The following SLC10A7 variants were observed in gnomAD, a reference collection of about 807,000 sequenced individuals.
SLC10A7 encodes solute carrier family 10 member 7, also known as sodium/bile acid cotransporter 7.
Under a neutral mutation model 43.2 loss-of-function variants are expected in SLC10A7, and 29 were observed. That is an observed-to-expected ratio of 0.67 (90% CI 0.50 to 0.92). The LOEUF is 0.92. SLC10A7 is among the 40% of genes least tolerant of loss of function. The probability of loss-of-function intolerance (pLI) is 0.00; values close to 1 mark genes in which losing one functional copy is unlikely to be tolerated. For missense variants in SLC10A7, 295 were observed against 403.2 expected, an observed-to-expected ratio of 0.73 and a Z score of 2.30; for synonymous variants, 152 against 144.8, an observed-to-expected ratio of 1.05 and a Z score of -0.35.
chr4:146,308,247 C>A (rs1473895165), intron 6 of SLC10A7, among the ~76,000 whole-genome samples: 1 of 152,094 alleles, frequency 6.6e-6, no homozygotes, highest in South Asian at 2.1e-4. Flanking sequence ...AGGATGGCTC[C>A]CTTAGAAGTG....
intron 5 of SLC10A7, among the ~76,000 whole-genome samples, chr4:146,397,758 C>T (rs765841342): frequency 1.3e-5 from 2 of 152,132 alleles, no homozygotes; most frequent in Non-Finnish European, 2.9e-5. Context: ...ACAGGATGCC[C>T]AAGTAGTCCT....
chr4:146,517,015 A>G lies in SLC10A7; in HGVS notation c.183+23T>C, dbSNP rs186714078. 4,683 of 1,528,918 alleles carry G rather than the reference A, an allele frequency of 3.1e-3. 13 individuals are homozygous for G. The highest frequency in any genetic ancestry group is 3.7e-3 in the Non-Finnish European group (4,195 of 1,128,560). The allele number at this position is 1,528,918 out of a possible 1,614,324, so 94.7% of individuals were successfully genotyped here. A position where few individuals can be genotyped will look rare whatever the true frequency, so the allele number is the denominator to read the frequency against. ...AATTAAATTTTTCTCCCTGCTTTTC[A>G]TGTGTCCCATAGATGACAGTACCTC... On this transcript the variant is annotated intron_variant, in intron 2 of 11. Coordinates refer to ENST00000335472, the MANE Select transcript of SLC10A7 (RefSeq NM_001029998.6).
intron 5 of SLC10A7, among the ~76,000 whole-genome samples, chr4:146,337,383 A>G (rs923440854): frequency 5.3e-5 from 8 of 152,018 alleles, no homozygotes; most frequent in Admixed American, 4.6e-4. Context: ...CTGAGAACAC[A>G]TGGAGCAGCC....
intron 5 of SLC10A7, among the ~76,000 whole-genome samples, chr4:146,440,788 A>G (rs13110748): frequency 0.81 from 123,092 of 152,088 alleles, 50,370 homozygotes; most frequent in South Asian, 0.91. Context: ...AGAAAAAGCA[A>G]GGAAAGGAAG....
chr4:146,491,316 T>C (rs954796061), intron 4 of SLC10A7, among the ~76,000 whole-genome samples: 2 of 152,174 alleles, frequency 1.3e-5, no homozygotes, highest in African/African-American at 4.8e-5. Context: ...AAGTAATAGG[T>C]GGCCAGAAAT....
intron 5 of SLC10A7, among the ~76,000 whole-genome samples, chr4:146,360,904 G>A (rs896316319): frequency 8.6e-5 from 13 of 151,994 alleles, no homozygotes; most frequent in African/African-American, 3.1e-4. Context: ...GATCTGATTA[G>A]GTCACCCCCC....
chr4:146,332,053 G>A (rs1009089215), intron 5 of SLC10A7, among the ~76,000 whole-genome samples: 14 of 152,132 alleles, frequency 9.2e-5, no homozygotes. Flanking sequence ...CTAGGGAAGG[G>A]TAGTTAGAAA....
intron 4 of SLC10A7, among the ~76,000 whole-genome samples, chr4:146,462,295 C>T (rs1732615898): frequency 6.6e-6 from 1 of 151,846 alleles, no homozygotes; most frequent in South Asian, 2.1e-4. Flanking sequence ...TTAAAACAAG[C>T]TTCAGAGTGC....
At chr4:146,489,654 G>A (rs192325398) in intron 4 of SLC10A7, among the ~76,000 whole-genome samples, 16 of 152,254 alleles carry the variant, frequency 1.1e-4, no homozygotes, top group African/African-American at 3.6e-4. Context: ...TTCTAGAATT[G>A]TGCATCAGAA....
At chr4:146,327,770 C>T (rs556518797) in intron 5 of SLC10A7, among the ~76,000 whole-genome samples, 11 of 152,336 alleles carry the variant, frequency 7.2e-5, no homozygotes, top group South Asian at 2.1e-4. Context: ...ACTACCTGTG[C>T]GCATTGTCCA....
At chr4:146,498,739 A>G (rs1736140029) in intron 4 of SLC10A7, among the ~76,000 whole-genome samples, 1 of 152,244 alleles carries the variant, frequency 6.6e-6, no homozygotes, top group Non-Finnish European at 1.5e-5. Context: ...CTATGCACAT[A>G]CATTGAGTTC....
intron 5 of SLC10A7, among the ~76,000 whole-genome samples, chr4:146,411,348 G>A (rs1009703918): frequency 3.3e-5 from 5 of 152,040 alleles, no homozygotes; most frequent in African/African-American, 1.2e-4. Flanking sequence ...ATAATTCCAG[G>A]AATTGTGACA....
chr4:146,443,955 G>T (rs1444442378), intron 4 of SLC10A7, among the ~76,000 whole-genome samples: 1 of 152,198 alleles, frequency 6.6e-6, no homozygotes, highest in Non-Finnish European at 1.5e-5. Context: ...ATAGGCACAG[G>T]CACAGACCAG....
At chr4:146,485,889 G>A (rs1734869872) in intron 4 of SLC10A7, among the ~76,000 whole-genome samples, 1 of 151,986 alleles carries the variant, frequency 6.6e-6, no homozygotes, top group Non-Finnish European at 1.5e-5. Flanking sequence ...AAGAAAAGGA[G>A]GGAAAAGGCA....
At chr4:146,376,813 G>T (rs1737234726) in intron 5 of SLC10A7, among the ~76,000 whole-genome samples, 1 of 152,202 alleles carries the variant, frequency 6.6e-6, no homozygotes, top group South Asian at 2.1e-4. Flanking sequence ...TTTATAACCT[G>T]ATGCGTCCAC....
chr4:146,431,911 T>C (rs1039904322), intron 5 of SLC10A7, among the ~76,000 whole-genome samples: 2 of 152,140 alleles, frequency 1.3e-5, no homozygotes, highest in Non-Finnish European at 2.9e-5. Flanking sequence ...ATGACTGGTG[T>C]CCAAAACATA....
chr4:146,292,902 A>T, intron 9 of SLC10A7, 27 bp downstream of exon 9: 1 of 1,511,972 alleles, frequency 6.6e-7, no homozygotes, highest in Non-Finnish European at 9.1e-7. Context: ...TTAGAAAACT[A>T]ATAACAAGAG....
intron 5 of SLC10A7, among the ~76,000 whole-genome samples, chr4:146,423,180 C>T (rs1398617111): frequency 6.6e-6 from 1 of 152,064 alleles, no homozygotes; most frequent in African/African-American, 2.4e-5. Context: ...ATGCATTTTT[C>T]CAAACTGTAT....
intron 4 of SLC10A7, among the ~76,000 whole-genome samples, chr4:146,463,160 A>T (rs1732691488): frequency 6.6e-6 from 1 of 152,204 alleles, no homozygotes. Flanking sequence ...CAAGCGATGA[A>T]AATTGGGAAA....
Sources: gnomAD v4.1 joint callset for allele counts (sites outside exome capture counted in the v4.1 genomes callset) on GRCh38, gnomAD v4.1.1 for gene constraint, MANE v1.5 for transcripts, NCBI Gene and HGNC (gene_info 2026-07-23, HGNC 2026-07-21) for gene names.